TCFL5: variants seen among roughly 807,000 people sequenced by gnomAD.
TCFL5 encodes transcription factor like 5, also known as transcription factor-like 5 protein.
A neutral mutation model predicts 44.3 loss-of-function variants in TCFL5; 9 were observed. The observed-to-expected ratio is 0.20, with a 90% confidence interval of 0.12 to 0.35. The LOEUF (loss-of-function observed/expected upper bound fraction) is 0.35, where lower values mean the gene tolerates loss of function less well. Among genes scored for constraint, TCFL5 ranks in the 10% least tolerant of loss-of-function variants. The pLI is 1.00. For missense variants in TCFL5, 603 were observed against 613.4 expected (o/e 0.98, Z 0.18); for synonymous variants, 319 against 271.6 (o/e 1.17, Z -1.72).
intron 5 of TCFL5, chr20:62,845,623 G>T: frequency 6.3e-7 from 1 of 1,595,308 alleles, no homozygotes; most frequent in Non-Finnish European, 8.5e-7. Context: ...AGCTGGTCTC[G>T]GACTGCTGGG....
At chr20:62,848,046 A>G (rs1465719211) in intron 5 of TCFL5, among the ~76,000 whole-genome samples, 1 of 152,258 alleles carries the variant, frequency 6.6e-6, no homozygotes, top group Non-Finnish European at 1.5e-5. Context: ...GAGTTCTCAC[A>G]GAAGGATCAC....
chr20:62,847,164 C>T (rs1041009264), intron 5 of TCFL5, among the ~76,000 whole-genome samples: 1 of 143,000 alleles, frequency 7.0e-6, no homozygotes, highest in African/African-American at 2.6e-5. Context: ...GCCTGGGCAA[C>T]GAGTGAAACT....
At chr20:62,855,886 C>G (rs572717995) in intron 4 of TCFL5, among the ~76,000 whole-genome samples, 3 of 152,256 alleles carry the variant, frequency 2.0e-5, no homozygotes, top group African/African-American at 7.2e-5. Context: ...AAAGCAGAAA[C>G]TGGTACACAG....
At position 62,842,804 on chromosome 20, in the gene TCFL5, CAG is replaced by C. The variant is rs2063694591; in HGVS notation, c.1381-709_1381-708del. Among the ~76,000 whole-genome samples the C allele has an allele frequency of 6.6e-6, 1 of 152,156 alleles. No individual in the cohort carries two copies. Among genetic ancestry groups the C allele is most frequent in the Non-Finnish European group, 1.5e-5 (1 of 68,034 alleles). ...TAAAAAGTTTCAACAATTAACAAGT[CAG>C]GGGCATCTACCCCCACCCCAGGGCG... is the stretch of plus-strand genomic sequence containing the variant. On this transcript the variant is annotated intron_variant, in intron 5 of 5. Transcript: ENST00000335351. The surrounding 1 kb of genome is among the most constrained non-coding windows in gnomAD (Gnocchi z 4.3).
At chr20:62,860,347 C>T (rs548426516) in intron 1 of TCFL5, 39 bp from the exon 2 acceptor site, 4 of 1,565,034 alleles carry the variant, frequency 2.6e-6, no homozygotes, top group Non-Finnish European at 3.5e-6. Flanking sequence ...GTCAGCAATA[C>T]GTGGCAGACA....
chr20:62,844,289 A>G (rs1430432249), intron 5 of TCFL5, among the ~76,000 whole-genome samples: 1 of 152,208 alleles, frequency 6.6e-6, no homozygotes, highest in Non-Finnish European at 1.5e-5. Context: ...TAAAAGTAGT[A>G]TCTCATTGGG....
At chr20:62,852,412 G>A (rs1018237194) in intron 5 of TCFL5, 3 of 985,368 alleles carry the variant, frequency 3.0e-6, no homozygotes, top group Non-Finnish European at 3.6e-6. Context: ...GTCCCCCCAA[G>A]GCAGGGCCCA....
At position 62,845,670 on chromosome 20, in the gene TCFL5, G is replaced by GT. The variant is rs749700399; in HGVS notation, c.1381-3574dup. The GT allele has an allele frequency of 1.3e-5, 21 of 1,606,386 alleles. No individual in the cohort carries two copies. In the South Asian group the frequency reaches 1.9e-4, roughly 14 times the overall value. On this transcript the variant is annotated intron_variant, in intron 5 of 5. Transcript: ENST00000335351. ...TCAGCAACCCCCGCTGACCATGGCA[G>GT]TATTTCATGACGAGGTGGAAATCGA...
chr20:62,852,166 A>G, intron 5 of TCFL5: 1 of 985,478 alleles, frequency 1.0e-6, no homozygotes, highest in Non-Finnish European at 1.2e-6. Flanking sequence ...TTCTCTAGTC[A>G]GACTCCTGCC....
chr20:62,859,195 G>A (rs992142666), intron 3 of TCFL5, among the ~76,000 whole-genome samples, 169 bp downstream of exon 3: 2 of 152,158 alleles, frequency 1.3e-5, no homozygotes, highest in African/African-American at 4.8e-5. Context: ...TGTTTAAAGC[G>A]AAAAGACAGG....
chr20:62,861,426 A>T lies in TCFL5; in HGVS notation c.245T>A (p.Leu82Gln). 8.7e-7 allele frequency: 1 copy of T among 1,147,624 alleles called. No homozygotes were observed. The highest frequency in any genetic ancestry group is 3.2e-5 in the South Asian group (1 of 31,370). The allele number at this position is 1,147,624 out of a possible 1,614,324, so 71.1% of individuals were successfully genotyped here. ...GCCTGCGCCCGGGCCCGCCGCCGCCAGCAGCGCCGAGTTGAGGCGCGTCTC... is the reference window on the plus strand; with the variant it reads ...GCCTGCGCCCGGGCCCGCCGCCGCCTGCAGCGCCGAGTTGAGGCGCGTCTC... ...ELETRLNSAL[L>Q]AAAGPGAGAG... Residue 82 changes from leucine (L) to glutamine (Q), a missense_variant, in exon 1 of 6, where the codon CTG (leucine) becomes CAG (glutamine). Transcript: ENST00000335351. The surrounding 1 kb of genome is among the most constrained non-coding windows in gnomAD (Gnocchi z 4.0).
At position 62,857,485 on chromosome 20, in the gene TCFL5, T is replaced by G; in HGVS notation, c.1148A>C (p.Gln383Pro). Residue 383 changes from glutamine (Q) to proline (P), a missense_variant, in exon 4 of 6, where the codon CAG (glutamine) becomes CCG (proline). This residue lies in a region of TCFL5 where 540 missense variants were observed against 478.7 expected (regional missense o/e 1.13). Coordinates refer to ENST00000335351, the MANE Select transcript of TCFL5 (RefSeq NM_006602.4). The stretch of plus-strand genomic sequence containing the variant: ...CTGGGCCTGCTCCCCCAGGTTTGCC[T>G]GTGAGGACTCCGAGGACTGCCAAGC... The part of the protein sequence containing the change: ...QGAWQSSESS[Q>P]ANLGEQAQSG... 7 of 1,614,250 alleles carry G rather than the reference T, an allele frequency of 4.3e-6. No individual in the cohort carries two copies. The highest frequency in any genetic ancestry group is 5.9e-6 in the Non-Finnish European group (7 of 1,180,046).
intron 3 of TCFL5, among the ~76,000 whole-genome samples, chr20:62,859,000 G>A (rs1054085906): frequency 1.3e-5 from 2 of 152,132 alleles, no homozygotes; most frequent in African/African-American, 4.8e-5. Flanking sequence ...AAAGGCTTTC[G>A]GCAGATGTTA....
rs951361501 is a variant in TCFL5 at position 62,852,771 on chromosome 20, A to T, written c.1380+1245T>A. Reference sequence around the variant, plus strand: ...CTGGTCCGCAGAAGTATATTCACCCATTCCACAGAAGCACGGTCACCCGGT... The same window carrying T: ...CTGGTCCGCAGAAGTATATTCACCCTTTCCACAGAAGCACGGTCACCCGGT... On this transcript the variant is annotated intron_variant, in intron 5 of 5. Transcript: ENST00000335351. 7.0e-6 allele frequency: 9 copies of T among 1,287,486 alleles called. No homozygotes were observed. In the African/African-American group the frequency reaches 1.2e-4, roughly 17 times the overall value. The allele number at this position is 1,287,486 out of a possible 1,614,324, so 79.8% of individuals were successfully genotyped here.
intron 5 of TCFL5, among the ~76,000 whole-genome samples, chr20:62,843,298 A>C (rs971280851): frequency 6.6e-6 from 1 of 152,232 alleles, no homozygotes; most frequent in Non-Finnish European, 1.5e-5. Context: ...AAGGAGACTC[A>C]GGTGGGTAAT....
At chr20:62,858,543 T>C (rs1184128403) in intron 3 of TCFL5, among the ~76,000 whole-genome samples, 1 of 152,248 alleles carries the variant, frequency 6.6e-6, no homozygotes, top group Non-Finnish European at 1.5e-5. Flanking sequence ...CCTCCCCATC[T>C]TGTCTTCACC....
At chr20:62,844,582 GTTT>G (rs745684819) in intron 5 of TCFL5, among the ~76,000 whole-genome samples, 14 of 120,560 alleles carry the variant, frequency 1.2e-4, no homozygotes, top group African/African-American at 4.7e-4. Context: ...TTTGTTTTTT[GTTT>G]TTTTTTTTTT....
rs985671782 is a variant in TCFL5, at chr20:62,859,417, G to T, written c.941C>A (p.Thr314Lys). ...CAAAACTTTGTTTCTACTACCTAAC[G>T]TCTGTTTAGTGGATTCAATTTCTTG... ...YQQEIESTKQ[T>K]LGSRNKVLPE... is the part of the protein sequence containing the mutation. Residue 314 changes from threonine (T) to lysine (K), a missense_variant, in exon 3 of 6, where the codon ACG becomes AAG. By Grantham distance (78) the Thr-to-Lys change is moderately conservative (BLOSUM62 -1). Coordinates refer to ENST00000335351, the MANE Select transcript of TCFL5 (RefSeq NM_006602.4). 6.2e-7 allele frequency: 1 copy of T among 1,613,542 alleles called. No individual in the cohort carries two copies. The highest frequency in any genetic ancestry group is 2.2e-5 in the East Asian group (1 of 44,866).
intron 5 of TCFL5, among the ~76,000 whole-genome samples, chr20:62,849,435 A>G (rs1445201927): frequency 1.3e-5 from 2 of 152,206 alleles, no homozygotes; most frequent in Non-Finnish European, 2.9e-5. Flanking sequence ...ATCTCTTCAA[A>G]GCCTCAATGC....
Sources: allele counts gnomAD v4.1 joint callset (sites outside exome capture counted in the v4.1 genomes callset), GRCh38; gene constraint gnomAD v4.1.1; regional missense constraint gnomAD v4.1.1; non-coding constraint Gnocchi (gnomAD v3.1); transcripts MANE v1.5; gene names NCBI Gene and HGNC (gene_info 2026-07-23, HGNC 2026-07-21).